GREM2: variants seen among roughly 807,000 people sequenced by gnomAD.
The protein encoded by GREM2 is gremlin 2, DAN family BMP antagonist.
GREM2 carries 11 observed loss-of-function variants against 14.2 expected under a neutral mutation model. The ratio of observed to expected loss-of-function variants is 0.78; its 90% CI spans 0.49 to 1.28. The LOEUF is 1.28. Ranked by LOEUF, GREM2 falls within the 50% of genes most tolerant of loss-of-function variation. GREM2 has a pLI of 0.00. For synonymous variants in GREM2, 98 were observed against 97.6 expected, an observed-to-expected ratio of 1.00 and a Z score of -0.02; for missense variants, 210 against 218.5, an observed-to-expected ratio of 0.96 and a Z score of 0.24.
At chr1:240,528,820 C>T (rs574999443) in intron 1 of GREM2, among the ~76,000 whole-genome samples, 9 of 152,180 alleles carry the variant, frequency 5.9e-5, no homozygotes, top group South Asian at 2.1e-4. Context: ...CCTTTATATC[C>T]GAGTAGAGCT....
intron 1 of GREM2, among the ~76,000 whole-genome samples, chr1:240,577,611 G>GA (rs1333738413): frequency 6.6e-6 from 1 of 152,174 alleles, no homozygotes; most frequent in Admixed American, 6.5e-5. Context: ...ACCTCAACTT[G>GA]AAAAATATCA....
chr1:240,508,920 A>T (rs1348232560), intron 1 of GREM2, among the ~76,000 whole-genome samples: 1 of 152,184 alleles, frequency 6.6e-6, no homozygotes, highest in Non-Finnish European at 1.5e-5. Context: ...TTTGTCTAAA[A>T]TGTAATTATT....
chr1:240,507,813 T>C (rs1168271426), intron 1 of GREM2, among the ~76,000 whole-genome samples: 1 of 151,814 alleles, frequency 6.6e-6, no homozygotes, highest in African/African-American at 2.4e-5. Context: ...GGAAACAAGA[T>C]TGCAGAGAGG....
chr1:240,600,735 C>T (rs139187477), intron 1 of GREM2, among the ~76,000 whole-genome samples: 16 of 152,260 alleles, frequency 1.1e-4, no homozygotes, highest in East Asian at 9.7e-4. Flanking sequence ...CCACCTGCCT[C>T]GGCCTCCCAA....
rs368918113 is a variant in GREM2, at chr1:240,498,857, A to G, written c.-1-5381T>C. Among the ~76,000 whole-genome samples, 5 of 152,300 alleles carry G rather than the reference A, an allele frequency of 3.3e-5. No homozygotes were observed. In the East Asian group the frequency reaches 5.8e-4, roughly 18 times the overall value. On this transcript the variant is annotated intron_variant, in intron 1 of 1. Coordinates refer to ENST00000318160, the MANE Select transcript of GREM2 (RefSeq NM_022469.4). ...ATAAATCCTGTTGGTTTTATTAACC[A>G]TCTTTCTGGCCTGACCATGTTCTCA...
At position 240,571,102 on chromosome 1, in the gene GREM2, T is replaced by A. The variant is rs61362777; in HGVS notation, c.-2+40782A>T. Among the ~76,000 whole-genome samples, 48 of 152,346 alleles carry A rather than the reference T, an allele frequency of 3.2e-4. 1 individual carries two copies. The East Asian group carries it at 6.2e-3, about 20-fold the overall frequency. Reference sequence around the variant, plus strand: ...CATAAACAACCAGACACATTTTTCATCTCAAATTCATGCGAATAGTTTTTC... The same window carrying A: ...CATAAACAACCAGACACATTTTTCAACTCAAATTCATGCGAATAGTTTTTC... On this transcript the variant is annotated intron_variant, in intron 1 of 1. Transcript: ENST00000318160.
chr1:240,586,181 C>G (rs1679596668), intron 1 of GREM2, among the ~76,000 whole-genome samples: 1 of 152,104 alleles, frequency 6.6e-6, no homozygotes, highest in African/African-American at 2.4e-5. Flanking sequence ...AGTGACAAAG[C>G]TAAATCATCT....
At chr1:240,611,198 T>G (rs930049458) in intron 1 of GREM2, among the ~76,000 whole-genome samples, 15 of 152,066 alleles carry the variant, frequency 9.9e-5, no homozygotes, top group African/African-American at 3.4e-4. Flanking sequence ...TTTAATGTAG[T>G]AATATGTGAG....
At position 240,541,194 on chromosome 1, in the gene GREM2, G is replaced by T. The variant is rs146931639; in HGVS notation, c.-1-47718C>A. Among the ~76,000 whole-genome samples, 77 of 152,300 alleles carry T rather than the reference G, an allele frequency of 5.1e-4. 1 individual carries two copies. Among genetic ancestry groups the T allele is most frequent in the African/African-American group, 1.4e-3 (59 of 41,574 alleles). On this transcript the variant is annotated intron_variant, in intron 1 of 1. Coordinates refer to ENST00000318160, the MANE Select transcript of GREM2 (RefSeq NM_022469.4). ...TCTTAAAAGTCTGAGTCGAAATGAA[G>T]GTTGATGCTTCCAGATTGCATGGCC...
chr1:240,504,752 A>T (rs1677644206), intron 1 of GREM2, among the ~76,000 whole-genome samples: 1 of 152,248 alleles, frequency 6.6e-6, no homozygotes, highest in Admixed American at 6.5e-5. Context: ...AATTACATTA[A>T]CAGCTAATAT....
At chr1:240,538,424 A>C (rs530992690) in intron 1 of GREM2, among the ~76,000 whole-genome samples, 61 of 152,268 alleles carry the variant, frequency 4.0e-4, no homozygotes, top group African/African-American at 1.5e-3. Flanking sequence ...TCTAGAGGCC[A>C]GGTGCGATGG....
intron 1 of GREM2, among the ~76,000 whole-genome samples, chr1:240,566,038 C>T (rs967416282): frequency 1.2e-4 from 18 of 152,060 alleles, no homozygotes; most frequent in African/African-American, 3.9e-4. Flanking sequence ...ATCATTTAAC[C>T]TCTGAGCTTT....
intron 1 of GREM2, among the ~76,000 whole-genome samples, chr1:240,549,052 C>T (rs1678792305): frequency 6.6e-6 from 1 of 152,066 alleles, no homozygotes; most frequent in Non-Finnish European, 1.5e-5. Flanking sequence ...AGAAGTAAAG[C>T]AAGGCTAGGC....
intron 1 of GREM2, among the ~76,000 whole-genome samples, chr1:240,544,499 A>T (rs1360313620): frequency 6.6e-6 from 1 of 152,182 alleles, no homozygotes; most frequent in African/African-American, 2.4e-5. Context: ...TTTTGGTATC[A>T]TTGAGAGATG....
At chr1:240,593,397 A>T (rs1679748871) in intron 1 of GREM2, among the ~76,000 whole-genome samples, 1 of 151,742 alleles carries the variant, frequency 6.6e-6, no homozygotes, top group Admixed American at 6.6e-5. Context: ...CCACACACTG[A>T]GTCCTGAATT....
chr1:240,515,342 A>G (rs1232499040), intron 1 of GREM2, among the ~76,000 whole-genome samples: 4 of 152,190 alleles, frequency 2.6e-5, no homozygotes, highest in African/African-American at 7.2e-5. Context: ...TATTTACTAA[A>G]TGATTTTTGT....
At chr1:240,525,771 G>A (rs1445208260) in intron 1 of GREM2, among the ~76,000 whole-genome samples, 1 of 152,162 alleles carries the variant, frequency 6.6e-6, no homozygotes, top group Non-Finnish European at 1.5e-5. Context: ...GAGCCACCGC[G>A]CCCAGTTCTA....
intron 1 of GREM2, among the ~76,000 whole-genome samples, chr1:240,507,380 G>C (rs1345267300): frequency 6.6e-6 from 1 of 151,270 alleles, no homozygotes; most frequent in Non-Finnish European, 1.5e-5. Flanking sequence ...ACCCGGGCTG[G>C]AGTGCAGTGG....
chr1:240,583,257 A>G (rs572323973), intron 1 of GREM2, among the ~76,000 whole-genome samples: 2 of 152,328 alleles, frequency 1.3e-5, no homozygotes, highest in South Asian at 4.1e-4. Context: ...CATGGAGGAA[A>G]AAAAAGGGCA....
Sources: allele counts gnomAD v4.1 joint callset (sites outside exome capture counted in the v4.1 genomes callset), GRCh38; gene constraint gnomAD v4.1.1; transcripts MANE v1.5; gene names NCBI Gene and HGNC (gene_info 2026-07-23, HGNC 2026-07-21).